ACYP2: variants seen among roughly 807,000 people sequenced by gnomAD.
ACYP2 encodes acylphosphatase-2.
In ACYP2, 12 loss-of-function variants were observed where a neutral mutation model predicts 11.2. That is an observed-to-expected ratio of 1.08 (90% CI 0.69 to 1.74). The LOEUF is 1.74. ACYP2 is among the 40% of genes most tolerant of loss of function. The pLI is 0.00. For missense variants in ACYP2, 134 were observed against 101.9 expected (o/e 1.31, Z -1.35); for synonymous variants, 43 against 32.2 (o/e 1.33, Z -1.13).
At chr2:54,212,977 T>C (rs1045412468) in intron 6 of ACYP2, among the ~76,000 whole-genome samples, 1 of 152,028 alleles carries the variant, frequency 6.6e-6, no homozygotes, top group Non-Finnish European at 1.5e-5. Context: ...GGGATACATG[T>C]GCAGATTTGT....
intron 4 of ACYP2, among the ~76,000 whole-genome samples, chr2:54,063,394 C>CT: frequency 6.6e-6 from 1 of 152,180 alleles, no homozygotes; most frequent in African/African-American, 2.4e-5. Flanking sequence ...TCCATTAGCC[C>CT]TTTTAGATCC....
intron 6 of ACYP2, among the ~76,000 whole-genome samples, chr2:54,224,968 T>C (rs1476831567): frequency 6.6e-6 from 1 of 152,244 alleles, no homozygotes; most frequent in Non-Finnish European, 1.5e-5. Context: ...CTTAAATTCA[T>C]TCCAGCAGTA....
rs1308140726 is a variant in ACYP2 at position 54,096,087 on chromosome 2, C to T, written c.277+38727C>T. Among the ~76,000 whole-genome samples, 7 of 137,416 alleles carry T rather than the reference C, an allele frequency of 5.1e-5. 1 individual carries two copies. Among genetic ancestry groups the T allele is most frequent in the Non-Finnish European group, 1.6e-5 (1 of 63,796 alleles). 90.2% of individuals were successfully genotyped at this position (137,416 alleles called of 152,430 possible). A position where few individuals can be genotyped will look rare whatever the true frequency, so the allele number is the denominator to read the frequency against. On this transcript the variant is annotated intron_variant, in intron 4 of 6. Transcript: ENST00000607452. Reference sequence around the variant, plus strand: ...ACCTCCCTCCCGGACGGGGTGGCTGCGGGGCGGAGACGCTCCTCACTTCCC... The same window carrying T: ...ACCTCCCTCCCGGACGGGGTGGCTGTGGGGCGGAGACGCTCCTCACTTCCC...
chr2:54,303,365 CA>C (rs990728112), intron 6 of ACYP2, among the ~76,000 whole-genome samples: 5 of 150,414 alleles, frequency 3.3e-5, no homozygotes, highest in African/African-American at 4.9e-5. Context: ...CTCCCCCCTC[CA>C]AAAAAAAAGT....
chr2:54,089,254 T>C (rs761316143), intron 4 of ACYP2, among the ~76,000 whole-genome samples: 1 of 152,184 alleles, frequency 6.6e-6, no homozygotes, highest in East Asian at 1.9e-4. Flanking sequence ...CAAATACTAA[T>C]TGAATCAATG....
chr2:54,225,126 G>C (rs1263227042), intron 6 of ACYP2, among the ~76,000 whole-genome samples: 1 of 152,316 alleles, frequency 6.6e-6, no homozygotes, highest in East Asian at 1.9e-4. Context: ...TCTACAGTGT[G>C]CTGAGTGCCA....
chr2:54,019,074 T>G (rs1196831373), intron 2 of ACYP2, among the ~76,000 whole-genome samples: 2 of 151,002 alleles, frequency 1.3e-5, no homozygotes, highest in African/African-American at 4.9e-5. Flanking sequence ...TTATTATGTT[T>G]TTTTTTTTTG....
intron 6 of ACYP2, chr2:54,267,296 G>A: frequency 1.3e-6 from 2 of 1,548,840 alleles, no homozygotes; most frequent in Non-Finnish European, 1.7e-6. Context: ...GACTTAATAG[G>A]AATTCATCAG....
intron 6 of ACYP2, among the ~76,000 whole-genome samples, chr2:54,229,728 A>G (rs1686153100): frequency 6.6e-6 from 1 of 152,236 alleles, no homozygotes; most frequent in Admixed American, 6.5e-5. Context: ...TTTAAAGCTC[A>G]TAGTTTCTTA....
intron 6 of ACYP2, among the ~76,000 whole-genome samples, chr2:54,258,863 G>C (rs1424315221): frequency 6.6e-6 from 1 of 152,162 alleles, no homozygotes; most frequent in Non-Finnish European, 1.5e-5. Flanking sequence ...TGGATGCTGA[G>C]AAGTCCAATA....
intron 6 of ACYP2, among the ~76,000 whole-genome samples, chr2:54,212,766 C>A (rs562330654): frequency 6.6e-6 from 1 of 152,216 alleles, no homozygotes; most frequent in East Asian, 1.9e-4. Flanking sequence ...TGATAAATTA[C>A]GTTTATTTCA....
At chr2:53,978,076 A>T (rs1422949534) in intron 2 of ACYP2, among the ~76,000 whole-genome samples, 2 of 151,932 alleles carry the variant, frequency 1.3e-5, no homozygotes. Context: ...AGCCTGGCCA[A>T]CGTGAAGAAA....
chr2:54,267,288 C>T, intron 6 of ACYP2: 1 of 1,548,112 alleles, frequency 6.5e-7, no homozygotes, highest in Non-Finnish European at 8.7e-7. Context: ...TTCCATTTGA[C>T]TTAATAGGAA....
At chr2:54,299,284 C>T (rs988115351) in intron 6 of ACYP2, among the ~76,000 whole-genome samples, 1 of 152,104 alleles carries the variant, frequency 6.6e-6, no homozygotes, top group Non-Finnish European at 1.5e-5. Flanking sequence ...CTCCCAGATG[C>T]AATGGTCACC....
intron 6 of ACYP2, among the ~76,000 whole-genome samples, chr2:54,271,120 A>G (rs939931575): frequency 6.6e-6 from 1 of 152,238 alleles, no homozygotes; most frequent in African/African-American, 2.4e-5. Context: ...ACTATGGAAG[A>G]AATTTAGTTT....
chr2:54,027,276 C>A (rs1674334346), intron 2 of ACYP2, among the ~76,000 whole-genome samples: 1 of 152,132 alleles, frequency 6.6e-6, no homozygotes, highest in African/African-American at 2.4e-5. Flanking sequence ...TGCCTTCACC[C>A]TTTTTCTCCT....
At chr2:54,205,068 TG>T (rs139356789) in intron 6 of ACYP2, among the ~76,000 whole-genome samples, 33,419 of 152,108 alleles carry the variant, frequency 0.22, 4,001 homozygotes, top group East Asian at 0.39. Flanking sequence ...TCCATTAATT[TG>T]GCTTTTGTAA....
chr2:54,167,056 A>T (rs1207946474), intron 6 of ACYP2: 5 of 151,778 alleles, frequency 3.3e-5, no homozygotes. Flanking sequence ...GCCATCACCA[A>T]AGCTACTGGT....
intron 2 of ACYP2, among the ~76,000 whole-genome samples, chr2:54,033,144 A>T (rs1674678315): frequency 1.3e-5 from 2 of 152,056 alleles, no homozygotes; most frequent in Admixed American, 1.3e-4. Context: ...AATGAGGCTC[A>T]CAGAGATATG....
Sources: allele counts gnomAD v4.1 joint callset (sites outside exome capture counted in the v4.1 genomes callset), GRCh38; gene constraint gnomAD v4.1.1; transcripts MANE v1.5; gene names NCBI Gene and HGNC (gene_info 2026-07-23, HGNC 2026-07-21).